ATM: variants seen among roughly 807,000 people sequenced by gnomAD.
ATM encodes serine-protein kinase ATM.
ATM carries 308 observed loss-of-function variants against 387.0 expected under a neutral mutation model. The observed-to-expected ratio is 0.80, with a 90% CI of 0.73 to 0.87. The LOEUF (loss-of-function observed/expected upper bound fraction) is 0.87, where lower values mean the gene tolerates loss of function less well. Among genes scored for constraint, ATM ranks in the 40% least tolerant of loss-of-function variants. ATM has a pLI of 0.00. For synonymous variants in ATM, 1,156 were observed against 1,187.3 expected, an observed-to-expected ratio of 0.97 and a Z score of 0.54; for missense variants, 3,312 against 3,560.9, an observed-to-expected ratio of 0.93 and a Z score of 1.78.
chr11:108,285,537 T>C (rs1362324221), intron 26 of ATM, among the ~76,000 whole-genome samples: 3 of 152,176 alleles, frequency 2.0e-5, no homozygotes, highest in Non-Finnish European at 4.4e-5. Flanking sequence ...TTTATGTATG[T>C]ATTTATTTAT....
At chr11:108,240,637 C>T (rs2079509745) in intron 5 of ATM, among the ~76,000 whole-genome samples, 1 of 152,112 alleles carries the variant, frequency 6.6e-6, no homozygotes, top group East Asian at 1.9e-4. Flanking sequence ...CATATATAAA[C>T]ATAGAGGAGG....
chr11:108,232,934 C>T (rs1335134567), intron 4 of ATM, among the ~76,000 whole-genome samples: 2 of 151,894 alleles, frequency 1.3e-5, no homozygotes, highest in African/African-American at 4.8e-5. Context: ...GCCATCTTGG[C>T]TCACTGCAAC....
chr11:108,279,265 C>T (rs1037030582), intron 22 of ATM, among the ~76,000 whole-genome samples: 2 of 152,170 alleles, frequency 1.3e-5, no homozygotes, highest in Non-Finnish European at 2.9e-5. Context: ...AGACCCTCTT[C>T]AGTTCTAGGA....
At chr11:108,309,992 G>A (rs1217648591) in intron 38 of ATM, among the ~76,000 whole-genome samples, 168 bp from the exon 39 acceptor site, 1 of 152,114 alleles carries the variant, frequency 6.6e-6, no homozygotes, top group Non-Finnish European at 1.5e-5. Flanking sequence ...GGACTCTTCA[G>A]CCATGTTATC....
intron 38 of ATM, chr11:108,308,421 GTCTCAAAAT>G: frequency 4.7e-6 from 1 of 212,424 alleles, no homozygotes. Context: ...GTGTGCAGTG[GTCTCAAAAT>G]CTGTGGCAAT....
chr11:108,354,489 G>A (rs1485685567), intron 60 of ATM, among the ~76,000 whole-genome samples: 1 of 152,132 alleles, frequency 6.6e-6, no homozygotes, highest in Non-Finnish European at 1.5e-5. Flanking sequence ...ACTTGGATTG[G>A]GGCAGATTGC....
At chr11:108,246,464 C>CT (rs2079853152) in intron 7 of ATM, among the ~76,000 whole-genome samples, 1 of 152,140 alleles carries the variant, frequency 6.6e-6, no homozygotes, top group Non-Finnish European at 1.5e-5. Context: ...GTTTCGCATA[C>CT]TAGTCAAGCC....
In ATM at chr11:108,320,309, A is replaced by G. The variant is rs182676427; in HGVS notation, c.6452+251A>G. ...GATTCCCTCTTTGTTCTCTTCCTAT[A>G]CAAGTATCCTGAGAATTATATCTTG... On this transcript the variant is annotated intron_variant, in intron 44 of 62. Coordinates refer to ENST00000675843, the MANE Select transcript of ATM (RefSeq NM_000051.4). Among the ~76,000 whole-genome samples the G allele has an allele frequency of 3.0e-3, 453 of 152,232 alleles. 13 individuals are homozygous for G. The highest frequency in any genetic ancestry group is 7.1e-4 in the Non-Finnish European group (48 of 68,016).
intron 16 of ATM, among the ~76,000 whole-genome samples, chr11:108,263,437 C>T (rs1168670333): frequency 1.0e-4 from 15 of 144,024 alleles, no homozygotes; most frequent in African/African-American, 3.4e-4. Flanking sequence ...TTGAAACCAC[C>T]GAGAACAAAG....
intron 16 of ATM, among the ~76,000 whole-genome samples, chr11:108,266,544 G>T (rs1209216671): frequency 2.0e-5 from 3 of 150,242 alleles, no homozygotes; most frequent in African/African-American, 7.3e-5. Context: ...TAGATGACGA[G>T]TTAGTGGGTG....
At chr11:108,255,673 G>A (rs1234898207) in intron 13 of ATM, among the ~76,000 whole-genome samples, 4 of 152,202 alleles carry the variant, frequency 2.6e-5, no homozygotes, top group South Asian at 2.1e-4. Context: ...TGATCTGCCC[G>A]CCTCGGCCTC....
chr11:108,325,265 T>TTTTTTTTTTTC, intron 45 of ATM, 45 bp from the exon 46 acceptor site: 1 of 1,100,008 alleles, frequency 9.1e-7, no homozygotes, highest in Non-Finnish European at 1.3e-6. Flanking sequence ...TTTTTTTTTT[T>TTTTTTTTTTTC]TTTCATTTCT....
chr11:108,285,073 C>T (rs1036548486), intron 26 of ATM, among the ~76,000 whole-genome samples: 17 of 152,112 alleles, frequency 1.1e-4, no homozygotes, highest in African/African-American at 3.9e-4. Context: ...AATTCTCCTG[C>T]CTCAGCCACC....
rs532480170 is a variant in ATM, at chr11:108,316,015, C to A, written c.6100C>A (p.Arg2034=). 3.9e-5 allele frequency: 63 copies of A among 1,613,930 alleles called. No individual in the cohort carries two copies. Among genetic ancestry groups the A allele is most frequent in the Non-Finnish European group, 5.3e-5 (62 of 1,179,876 alleles). Residue 2034 remains arginine, a synonymous_variant, in exon 42 of 63, where the codon CGA becomes AGA. Transcript: ENST00000675843. The part of the protein sequence containing the change: ...GKMLQPITRL[R]TYEHEAMWGK... The stretch of plus-strand genomic sequence containing the variant: ...TTTCACAATCTTTTCTTATAGACTA[C>A]GAACATATGAACACGAAGCAATGTG...
At chr11:108,262,338 TAAAG>T (rs1278419455) in intron 16 of ATM, among the ~76,000 whole-genome samples, 1 of 151,560 alleles carries the variant, frequency 6.6e-6, no homozygotes, top group East Asian at 1.9e-4. Flanking sequence ...TCAACATTCT[TAAAG>T]AAAAGAATTT....
intron 13 of ATM, among the ~76,000 whole-genome samples, chr11:108,254,264 T>C (rs2135375189): frequency 6.6e-6 from 1 of 152,244 alleles, no homozygotes; most frequent in South Asian, 2.1e-4. Flanking sequence ...ATGGTAGACA[T>C]AAAATAATTC....
intron 8 of ATM, among the ~76,000 whole-genome samples, 160 bp downstream of exon 8, chr11:108,247,287 A>G (rs2079902329): frequency 6.6e-6 from 1 of 152,188 alleles, no homozygotes; most frequent in African/African-American, 2.4e-5. Context: ...ATTTGGAATT[A>G]CCCTTTTAAC....
intron 16 of ATM, among the ~76,000 whole-genome samples, chr11:108,262,381 C>G (rs1005790605): frequency 6.6e-6 from 1 of 152,178 alleles, no homozygotes; most frequent in East Asian, 1.9e-4. Context: ...TCCATCCAAA[C>G]TAAGCTTCAT....
intron 55 of ATM, 114 bp from the exon 56 acceptor site, chr11:108,335,731 A>G (rs749643745): frequency 4.0e-4 from 303 of 751,782 alleles, no homozygotes; most frequent in Non-Finnish European, 6.4e-4. Flanking sequence ...GAGACTGTCA[A>G]GAGGTGCACA....
Sources: allele counts gnomAD v4.1 joint callset (sites outside exome capture counted in the v4.1 genomes callset), GRCh38; gene constraint gnomAD v4.1.1; transcripts MANE v1.5; gene names NCBI Gene and HGNC (gene_info 2026-07-23, HGNC 2026-07-21).